The following IL1RAP variants were observed in gnomAD, a reference collection of about 807,000 sequenced individuals.
IL1RAP encodes the protein interleukin 1 receptor accessory protein, also known as interleukin-1 receptor accessory protein.
IL1RAP carries 35 observed loss-of-function variants against 60.7 expected under a neutral mutation model. The observed-to-expected ratio is 0.58, with a 90% confidence interval of 0.44 to 0.76. The LOEUF (loss-of-function observed/expected upper bound fraction) is 0.76. IL1RAP is among the 30% of genes least tolerant of loss of function. The pLI is 0.00. For missense variants in IL1RAP, 572 were observed against 693.9 expected (o/e 0.82, Z 1.97); for synonymous variants, 268 against 250.9 (o/e 1.07, Z -0.64).
intron 1 of IL1RAP, among the ~76,000 whole-genome samples, chr3:190,554,400 A>G (rs886664330): frequency 1.3e-5 from 2 of 152,164 alleles, no homozygotes; most frequent in Non-Finnish European, 2.9e-5. Flanking sequence ...AAATGGTGCA[A>G]ACTTTCATGG....
chr3:190,561,798 C>T lies in IL1RAP; in HGVS notation c.-1-2491C>T, dbSNP rs141655924. On this transcript the variant is annotated intron_variant, in intron 2 of 11. Transcript: ENST00000447382. ...CTTGGATGAAGATATAGGTTGCATG[C>T]TGATCAAGTCTGTAGATGTCACAAA... 1.1e-3 allele frequency among the ~76,000 whole-genome samples: 169 copies of T among 152,248 alleles called. 2 individuals are homozygous for T. The highest frequency in any genetic ancestry group is 3.4e-3 in the Middle Eastern group (1 of 294).
At chr3:190,656,665 C>A in exon 12 of IL1RAP, 3 of 1,007,504 alleles carry the variant, frequency 3.0e-6, no homozygotes, top group Non-Finnish European at 4.2e-6. Flanking sequence ...ATGTCATGAA[C>A]CTGTGGGAAA....
chr3:190,579,018 C>G (rs544423548), intron 3 of IL1RAP, among the ~76,000 whole-genome samples: 3 of 152,258 alleles, frequency 2.0e-5, no homozygotes, highest in African/African-American at 7.2e-5. Context: ...AGATACTTAG[C>G]CCTAAACCTA....
chr3:190,519,200 C>A (rs1721796700), intron 1 of IL1RAP, among the ~76,000 whole-genome samples: 1 of 152,126 alleles, frequency 6.6e-6, no homozygotes, highest in South Asian at 2.1e-4. Flanking sequence ...TTCCTTTCAA[C>A]TTTGAGATTC....
chr3:190,534,232 C>T (rs1441042667), intron 1 of IL1RAP, among the ~76,000 whole-genome samples: 1 of 151,728 alleles, frequency 6.6e-6, no homozygotes, highest in Non-Finnish European at 1.5e-5. Flanking sequence ...GATCTTTCCC[C>T]TCAGGATTTA....
chr3:190,648,127 G>T (rs1274639163), intron 11 of IL1RAP, among the ~76,000 whole-genome samples: 1 of 152,176 alleles, frequency 6.6e-6, no homozygotes, highest in Non-Finnish European at 1.5e-5. Flanking sequence ...AGAAATATGT[G>T]TATATAGTTT....
chr3:190,559,215 C>T (rs554932243), intron 2 of IL1RAP, among the ~76,000 whole-genome samples: 5 of 152,250 alleles, frequency 3.3e-5, no homozygotes, highest in South Asian at 2.1e-4. Context: ...TGAATATCTC[C>T]GTGATCACTA....
downstream of IL1RAP, among the ~76,000 whole-genome samples, chr3:190,651,834 G>A (rs760411080): frequency 1.8e-4 from 27 of 151,672 alleles, no homozygotes; most frequent in Admixed American, 7.2e-4. Context: ...CAGAAAGACT[G>A]TCAAAAAGAT....
chr3:190,613,041 T>C (rs1730957236), intron 5 of IL1RAP, among the ~76,000 whole-genome samples: 1 of 152,180 alleles, frequency 6.6e-6, no homozygotes, highest in Non-Finnish European at 1.5e-5. Context: ...ACAAATAACT[T>C]TGTAAATACA....
chr3:190,627,150 G>A (rs1732358960), intron 7 of IL1RAP, among the ~76,000 whole-genome samples, 173 bp from the exon 8 acceptor site: 2 of 152,136 alleles, frequency 1.3e-5, no homozygotes, highest in African/African-American at 4.8e-5. Flanking sequence ...TTACTCATAA[G>A]CAGGGTTTCA....
chr3:190,536,476 A>G (rs1360444751), intron 1 of IL1RAP, among the ~76,000 whole-genome samples: 1 of 152,106 alleles, frequency 6.6e-6, no homozygotes, highest in Non-Finnish European at 1.5e-5. Context: ...TCACTGGCCA[A>G]TAGATTCGTT....
At chr3:190,654,637 G>A (rs1415557766), downstream of IL1RAP, among the ~76,000 whole-genome samples, 2 of 152,108 alleles carry the variant, frequency 1.3e-5, no homozygotes, top group Non-Finnish European at 2.9e-5. Context: ...AAGAAGCACA[G>A]CTCCCTTATT....
In IL1RAP at chr3:190,619,019, T is replaced by C. The variant is rs3773947; in HGVS notation, c.538-1256T>C. 9.3e-3 allele frequency among the ~76,000 whole-genome samples: 1,422 copies of C among 152,110 alleles called. 20 individuals are homozygous for C. The highest frequency in any genetic ancestry group is 0.031 in the African/African-American group (1,271 of 41,492). On this transcript the variant is annotated intron_variant, in intron 5 of 11. Transcript: ENST00000447382. ...AAACATTAAAGATGAAATATGTGAA[T>C]AAAAAAAATTGAAGTTACAAGCTAG...
chr3:190,617,850 A>G (rs1382648892), intron 5 of IL1RAP, among the ~76,000 whole-genome samples: 2 of 152,218 alleles, frequency 1.3e-5, no homozygotes, highest in East Asian at 1.9e-4. Context: ...TTGTAGTGTA[A>G]CAATGCCCTG....
intron 3 of IL1RAP, among the ~76,000 whole-genome samples, chr3:190,593,591 A>G (rs934129791): frequency 2.0e-5 from 3 of 152,102 alleles, no homozygotes; most frequent in Non-Finnish European, 2.9e-5. Flanking sequence ...ATGAGGAGCA[A>G]AGTCACGTCT....
At chr3:190,528,889 C>A (rs544816172) in intron 1 of IL1RAP, among the ~76,000 whole-genome samples, 7 of 152,186 alleles carry the variant, frequency 4.6e-5, no homozygotes, top group Admixed American at 3.3e-4. Flanking sequence ...ATGGTCTGAC[C>A]GGGGTGAGTG....
At chr3:190,554,779 C>G (rs73886475) in intron 1 of IL1RAP, 1 of 147,142 alleles carries the variant, frequency 6.8e-6, no homozygotes, top group African/African-American at 2.5e-5. Context: ...AACTTTGCTC[C>G]CTACCTGTGA....
chr3:190,530,373 G>A (rs1722888181), intron 1 of IL1RAP, among the ~76,000 whole-genome samples: 1 of 152,078 alleles, frequency 6.6e-6, no homozygotes, highest in African/African-American at 2.4e-5. Context: ...GGAATAAGTG[G>A]GGCAATTAAT....
In IL1RAP at chr3:190,645,694, G is replaced by A. The variant is rs145761457; in HGVS notation, c.1202-5G>A. The A allele has an allele frequency of 6.2e-7, 1 of 1,604,778 alleles. No homozygotes were observed. The highest frequency in any genetic ancestry group is 2.2e-5 in the East Asian group (1 of 44,732). ...TTTACATTGTATCTGTGTTCCTTTTGCTAGATGGAAAAGAGTATGATATTT... is the reference window on the plus strand; with the variant it reads ...TTTACATTGTATCTGTGTTCCTTTTACTAGATGGAAAAGAGTATGATATTT... On this transcript the variant is annotated splice_region_variant and splice_polypyrimidine_tract_variant and intron_variant, in intron 10 of 11. Transcript: ENST00000447382.
Sources: gnomAD v4.1 joint callset for allele counts (sites outside exome capture counted in the v4.1 genomes callset) on GRCh38, gnomAD v4.1.1 for gene constraint, MANE v1.5 for transcripts, NCBI Gene and HGNC (gene_info 2026-07-23, HGNC 2026-07-21) for gene names.